Variants in FOXK2 observed in about 807,000 individuals in gnomAD.
FOXK2 encodes the protein forkhead box protein K2.
A neutral mutation model predicts 53.3 loss-of-function variants in FOXK2; 24 were observed. That is an observed-to-expected ratio of 0.45 (90% CI 0.33 to 0.63). The LOEUF (loss-of-function observed/expected upper bound fraction) is 0.63, where lower values mean the gene tolerates loss of function less well. Ranked by LOEUF, FOXK2 falls within the 30% of genes least tolerant of loss-of-function variation. The probability of loss-of-function intolerance (pLI) is 0.03; values close to 1 mark genes in which losing one functional copy is unlikely to be tolerated. For synonymous variants in FOXK2, 505 were observed against 407.1 expected (o/e 1.24, Z -2.89); for missense variants, 952 against 910.5 (o/e 1.05, Z -0.59).
At chr17:82,599,339 C>T (rs2045355592) in intron 8 of FOXK2, 1 of 152,258 alleles carries the variant, frequency 6.6e-6, no homozygotes, top group Non-Finnish European at 1.5e-5. Flanking sequence ...CTCGTAACCT[C>T]AGGTGATCCT....
At chr17:82,534,273 G>A (rs956677504) in intron 1 of FOXK2, among the ~76,000 whole-genome samples, 1 of 152,140 alleles carries the variant, frequency 6.6e-6, no homozygotes, top group Non-Finnish European at 1.5e-5. Context: ...TGGCTGATAT[G>A]TAGAGGGGTA....
chr17:82,596,547 G>GCCCTGGTGCCCTCATCA (rs1555644203), intron 8 of FOXK2, among the ~76,000 whole-genome samples: 2 of 152,070 alleles, frequency 1.3e-5, no homozygotes, highest in South Asian at 2.1e-4. Flanking sequence ...CGCACTTTCT[G>GCCCTGGTGCCCTCATCA]CGGGCAGTCT....
intron 1 of FOXK2, among the ~76,000 whole-genome samples, chr17:82,523,933 T>G (rs2044391966): frequency 6.6e-6 from 1 of 152,228 alleles, no homozygotes. Flanking sequence ...CTCACTCTGT[T>G]GTCCAGGCTG....
At chr17:82,527,077 G>A (rs11653926) in intron 1 of FOXK2, among the ~76,000 whole-genome samples, 65,764 of 151,952 alleles carry the variant, frequency 0.43, 14,432 homozygotes, top group South Asian at 0.55. Flanking sequence ...ACAAGCTTGT[G>A]AGTGGAGCTG....
At chr17:82,574,444 A>G (rs908277832) in intron 4 of FOXK2, among the ~76,000 whole-genome samples, 1 of 151,388 alleles carries the variant, frequency 6.6e-6, no homozygotes, top group African/African-American at 2.4e-5. Flanking sequence ...CCTCAGCCTC[A>G]TGAGTAGCTG....
chr17:82,593,294 C>G (rs1443054340), intron 8 of FOXK2: 1 of 150,556 alleles, frequency 6.6e-6, no homozygotes, highest in South Asian at 2.1e-4. Flanking sequence ...GTGAAGGTCT[C>G]CCTGTACCGG....
chr17:82,577,438 G>A, intron 4 of FOXK2: 1 of 388,484 alleles, frequency 2.6e-6, no homozygotes, highest in Non-Finnish European at 4.8e-6. Flanking sequence ...GGCCCAACCT[G>A]CATGCAGGGC....
intron 1 of FOXK2, among the ~76,000 whole-genome samples, chr17:82,560,100 G>T (rs896019610): frequency 3.3e-5 from 5 of 151,022 alleles, no homozygotes; most frequent in Non-Finnish European, 7.4e-5. Context: ...CTGCCTCCCG[G>T]GTTCAAGAGA....
Position 82,520,170 on chromosome 17 carries a change from C to G in FOXK2, c.282C>G (p.Ala94=). 1 of 1,483,540 alleles carries G rather than the reference C, an allele frequency of 6.7e-7. No individual in the cohort carries two copies. Among genetic ancestry groups the G allele is most frequent in the Non-Finnish European group, 9.0e-7 (1 of 1,116,660 alleles). The allele number at this position is 1,483,540 out of a possible 1,614,324, so 91.9% of individuals were successfully genotyped here. Residue 94 remains alanine, a synonymous_variant, in exon 1 of 9, where the codon GCC becomes GCG. Coordinates refer to ENST00000335255, the MANE Select transcript of FOXK2 (RefSeq NM_004514.4). ...CGGGCGGCGGCGGCCATGGCGGGGC[C>G]GCTCCGGAGCTGCCGCCCGCGCAGC... ...TPPGGGGHGG[A]APELPPAQPR...
intron 4 of FOXK2, among the ~76,000 whole-genome samples, chr17:82,575,980 G>A (rs934276360): frequency 1.6e-5 from 2 of 123,272 alleles, no homozygotes; most frequent in African/African-American, 6.5e-5. Context: ...TGGCGGCGGC[G>A]GGTTCGTCCA....
chr17:82,573,034 T>A (rs1189240306), intron 4 of FOXK2, among the ~76,000 whole-genome samples: 4 of 150,850 alleles, frequency 2.7e-5, no homozygotes, highest in Non-Finnish European at 5.9e-5. Context: ...CTACAAAAAA[T>A]AAAAAAAAAT....
chr17:82,592,133 G>A (rs920478318), intron 8 of FOXK2, among the ~76,000 whole-genome samples: 1 of 152,206 alleles, frequency 6.6e-6, no homozygotes. Context: ...TCAAACTCCT[G>A]GACTCTGGTG....
At chr17:82,554,553 C>T (rs1435453190) in intron 1 of FOXK2, among the ~76,000 whole-genome samples, 2 of 152,088 alleles carry the variant, frequency 1.3e-5, no homozygotes, top group African/African-American at 2.4e-5. Flanking sequence ...TATCAGGGCC[C>T]TCTGAACAGG....
At chr17:82,584,286 C>CGGA in intron 6 of FOXK2, 98 bp downstream of exon 6, 1 of 1,288,962 alleles carries the variant, frequency 7.8e-7, no homozygotes, top group African/African-American at 1.5e-5. Flanking sequence ...GGAGGCCTGC[C>CGGA]TGTCCCTCTG....
At chr17:82,554,217 C>T (rs138834011) in intron 1 of FOXK2, among the ~76,000 whole-genome samples, 93 of 152,262 alleles carry the variant, frequency 6.1e-4, no homozygotes, top group Non-Finnish European at 5.9e-5. Context: ...AGAGACATCA[C>T]TAAATATAAC....
At chr17:82,540,007 G>A (rs779545858) in intron 1 of FOXK2, among the ~76,000 whole-genome samples, 1 of 145,798 alleles carries the variant, frequency 6.9e-6, no homozygotes, top group African/African-American at 2.5e-5. Context: ...CTTGTTGGAC[G>A]CGGTGGCTCA....
chr17:82,577,851 T>G (rs1488288053), intron 4 of FOXK2, among the ~76,000 whole-genome samples: 1 of 152,096 alleles, frequency 6.6e-6, no homozygotes, highest in African/African-American at 2.4e-5. Context: ...GGTTCTCCAT[T>G]CTCAGCCTCC....
intron 2 of FOXK2, among the ~76,000 whole-genome samples, chr17:82,566,414 G>A (rs1434416947): frequency 6.6e-6 from 1 of 152,114 alleles, no homozygotes. Flanking sequence ...CTCCTTTGCT[G>A]AGAGGCTGCC....
intron 7 of FOXK2, among the ~76,000 whole-genome samples, chr17:82,586,800 C>G (rs2045179947): frequency 6.6e-6 from 1 of 152,070 alleles, no homozygotes. Flanking sequence ...ACTCGGGAGG[C>G]TGAGGCGGGA....
Sources: allele counts gnomAD v4.1 joint callset (sites outside exome capture counted in the v4.1 genomes callset), GRCh38; gene constraint gnomAD v4.1.1; transcripts MANE v1.5; gene names NCBI Gene and HGNC (gene_info 2026-07-23, HGNC 2026-07-21).